NCKAP5: variants seen among roughly 807,000 people sequenced by gnomAD.
The protein encoded by NCKAP5 is nck-associated protein 5.
Under a neutral mutation model 167.0 loss-of-function variants are expected in NCKAP5, and 92 were observed. The ratio of observed to expected loss-of-function variants is 0.55; its 90% CI spans 0.47 to 0.66. NCKAP5 has a LOEUF of 0.66. NCKAP5 is among the 30% of genes least tolerant of loss of function. The pLI is 0.00. For synonymous variants in NCKAP5, 891 were observed against 877.4 expected (o/e 1.02, Z -0.27); for missense variants, 2,378 against 2,315.0 (o/e 1.03, Z -0.56).
chr2:133,110,746 G>GC (rs1474466521), intron 6 of NCKAP5, among the ~76,000 whole-genome samples: 3 of 152,106 alleles, frequency 2.0e-5, no homozygotes, highest in Non-Finnish European at 2.9e-5. Context: ...TTACAACTTT[G>GC]CCCCCGTATT....
intron 3 of NCKAP5, among the ~76,000 whole-genome samples, chr2:133,485,900 T>G (rs566946525): frequency 2.0e-5 from 3 of 152,260 alleles, no homozygotes; most frequent in African/African-American, 7.2e-5. Context: ...AGATGATACA[T>G]GCAACAACAC....
intron 3 of NCKAP5, among the ~76,000 whole-genome samples, chr2:133,315,577 T>C (rs75979487): frequency 2.0e-4 from 30 of 149,236 alleles, no homozygotes; most frequent in African/African-American, 6.7e-4. Flanking sequence ...TGGGATTACC[T>C]GAGGAAGGAA....
intron 19 of NCKAP5, among the ~76,000 whole-genome samples, chr2:132,689,794 T>C (rs774019614): frequency 6.6e-6 from 1 of 152,302 alleles, no homozygotes; most frequent in African/African-American, 2.4e-5. Context: ...TGTGTATTTA[T>C]ACATGGGAAA....
intron 6 of NCKAP5, among the ~76,000 whole-genome samples, chr2:133,110,342 G>C (rs924824591): frequency 6.6e-6 from 1 of 152,026 alleles, no homozygotes; most frequent in African/African-American, 2.4e-5. Flanking sequence ...CAACTAGTAG[G>C]GCCTGGCATC....
the NCKAP5 span, among the ~76,000 whole-genome samples, chr2:133,673,541 C>G: frequency 6.6e-6 from 1 of 152,226 alleles, no homozygotes; most frequent in East Asian, 1.9e-4. Context: ...CCCAGCAGGT[C>G]TCTCACACAG....
At chr2:132,809,725 G>T (rs941405584) in intron 11 of NCKAP5, among the ~76,000 whole-genome samples, 24 of 152,146 alleles carry the variant, frequency 1.6e-4, no homozygotes, top group Admixed American at 6.5e-5. Flanking sequence ...CTGTGGTTCT[G>T]TATCTTTTAA....
At chr2:132,682,801 A>C (rs528000699) in intron 19 of NCKAP5, among the ~76,000 whole-genome samples, 1 of 152,218 alleles carries the variant, frequency 6.6e-6, no homozygotes, top group South Asian at 2.1e-4. Flanking sequence ...TTAACTAGTT[A>C]CTATTTACAC....
Position 133,305,030 on chromosome 2 carries a change from G to C in NCKAP5, c.70-1920C>G, listed in dbSNP as rs949373796. 2.6e-5 allele frequency among the ~76,000 whole-genome samples: 4 copies of C among 152,148 alleles called. No individual in the cohort carries two copies. In the East Asian group the frequency reaches 7.7e-4, roughly 29 times the overall value. ...AAGGGAGCCAGACATTACAGGCAGA[G>C]AAAACACCATATACAAAGGTCCTGA... is the stretch of plus-strand genomic sequence containing the variant. On this transcript the variant is annotated intron_variant, in intron 3 of 19. Coordinates refer to ENST00000409261, the MANE Select transcript of NCKAP5 (RefSeq NM_207363.3).
intron 11 of NCKAP5, among the ~76,000 whole-genome samples, chr2:132,835,069 AC>A (rs1213609542): frequency 6.6e-6 from 1 of 152,130 alleles, no homozygotes; most frequent in Admixed American, 6.6e-5. Context: ...TATTGAGATG[AC>A]CATATGTTTT....
At chr2:133,022,779 C>T (rs529206619) in intron 6 of NCKAP5, among the ~76,000 whole-genome samples, 1 of 152,250 alleles carries the variant, frequency 6.6e-6, no homozygotes, top group East Asian at 1.9e-4. Context: ...TAAATGTGTC[C>T]ACCTTTTCTC....
intron 11 of NCKAP5, among the ~76,000 whole-genome samples, chr2:132,836,505 A>G (rs1687896721): frequency 1.3e-5 from 2 of 151,384 alleles, no homozygotes; most frequent in South Asian, 4.2e-4. Flanking sequence ...CAACTCTCCA[A>G]CTGCTCATCA....
At chr2:132,932,921 CTTTTT>C (rs368871730) in intron 8 of NCKAP5, among the ~76,000 whole-genome samples, 8 of 120,008 alleles carry the variant, frequency 6.7e-5, no homozygotes, top group Admixed American at 9.5e-5. Flanking sequence ...TTATCCTCTA[CTTTTT>C]TTTTTTTTTT....
intron 5 of NCKAP5, among the ~76,000 whole-genome samples, chr2:133,188,443 A>G (rs1349285296): frequency 6.6e-6 from 1 of 152,050 alleles, no homozygotes; most frequent in East Asian, 1.9e-4. Flanking sequence ...CCTAATAGAC[A>G]CCTACAGAAC....
the NCKAP5 span, among the ~76,000 whole-genome samples, chr2:133,609,149 T>C: frequency 6.6e-6 from 1 of 152,228 alleles, no homozygotes; most frequent in African/African-American, 2.4e-5. Flanking sequence ...TCATTGTCCC[T>C]ACCACAGCAG....
At chr2:132,716,084 G>A (rs1573970812) in intron 19 of NCKAP5, among the ~76,000 whole-genome samples, 1 of 152,116 alleles carries the variant, frequency 6.6e-6, no homozygotes, top group East Asian at 1.9e-4. Flanking sequence ...TCTGAGCTGT[G>A]ACAATTCAAA....
chr2:132,740,868 A>G lies in NCKAP5; in HGVS notation c.5129-8817T>C, dbSNP rs371738947. ...TGACAAACAATTAAAAAAGAAAAAA[A>G]AATGGACCATGAAATTCCTTAGTAC... is the stretch of plus-strand genomic sequence containing the variant. On this transcript the variant is annotated intron_variant, in intron 16 of 19. Transcript: ENST00000409261. Among the ~76,000 whole-genome samples the G allele has an allele frequency of 3.0e-3, 454 of 152,242 alleles. 5 individuals carry two copies. The highest frequency in any genetic ancestry group is 0.011 in the African/African-American group (437 of 41,568).
At chr2:133,209,215 G>C (rs2086098770) in intron 5 of NCKAP5, among the ~76,000 whole-genome samples, 1 of 151,824 alleles carries the variant, frequency 6.6e-6, no homozygotes, top group African/African-American at 2.4e-5. Flanking sequence ...TCAGTAAACT[G>C]AGCCAGTGAT....
chr2:132,991,940 T>C (rs1250058127), intron 7 of NCKAP5, among the ~76,000 whole-genome samples: 1 of 152,154 alleles, frequency 6.6e-6, no homozygotes, highest in Admixed American at 6.6e-5. Context: ...TTTAGAAAAA[T>C]AGAATTTGTG....
intron 6 of NCKAP5, among the ~76,000 whole-genome samples, chr2:133,014,527 T>C (rs2078268508): frequency 1.3e-5 from 2 of 152,228 alleles, no homozygotes; most frequent in Admixed American, 6.5e-5. Flanking sequence ...ACAATACAGG[T>C]ACCACTTAAC....
Sources: allele counts gnomAD v4.1 joint callset (sites outside exome capture counted in the v4.1 genomes callset), GRCh38; gene constraint gnomAD v4.1.1; transcripts MANE v1.5; gene names NCBI Gene and HGNC (gene_info 2026-07-23, HGNC 2026-07-21).